The following NTM variants were observed in gnomAD, a reference collection of about 807,000 sequenced individuals.
The protein encoded by NTM is neurotrimin.
Under a neutral mutation model 42.1 loss-of-function variants are expected in NTM, and 13 were observed. The observed-to-expected ratio is 0.31, with a 90% CI of 0.20 to 0.49. The LOEUF is 0.49. NTM is among the 20% of genes least tolerant of loss of function. The probability of loss-of-function intolerance (pLI) is 0.99; values close to 1 mark genes in which losing one functional copy is unlikely to be tolerated. For missense variants in NTM, 373 were observed against 452.8 expected, an observed-to-expected ratio of 0.82 and a Z score of 1.60; for synonymous variants, 187 against 179.2, an observed-to-expected ratio of 1.04 and a Z score of -0.35.
intron 1 of NTM, among the ~76,000 whole-genome samples, chr11:131,902,335 T>C (rs1312360455): frequency 1.9e-4 from 29 of 152,234 alleles, no homozygotes; most frequent in Admixed American, 1.9e-3. Flanking sequence ...CTTCTTAAAA[T>C]GTGTGGGTGC....
At chr11:132,034,630 G>A (rs1245229047) in intron 2 of NTM, among the ~76,000 whole-genome samples, 1 of 152,212 alleles carries the variant, frequency 6.6e-6, no homozygotes, top group Non-Finnish European at 1.5e-5. Flanking sequence ...TTGACACCTA[G>A]TTTTGCCATC....
intron 2 of NTM, among the ~76,000 whole-genome samples, chr11:132,093,996 G>A (rs1024378161): frequency 2.0e-5 from 3 of 152,148 alleles, no homozygotes; most frequent in Admixed American, 1.3e-4. Flanking sequence ...GGCAGAAAAA[G>A]GAAAGTGATG....
At chr11:132,109,801 T>C (rs954012239) in intron 2 of NTM, among the ~76,000 whole-genome samples, 1 of 152,188 alleles carries the variant, frequency 6.6e-6, no homozygotes, top group African/African-American at 2.4e-5. Flanking sequence ...TCCCTCCCAC[T>C]CTTTCTTCCA....
chr11:132,245,256 C>G (rs1435146188), intron 4 of NTM, among the ~76,000 whole-genome samples: 1 of 152,092 alleles, frequency 6.6e-6, no homozygotes, highest in Non-Finnish European at 1.5e-5. Flanking sequence ...GAGAAGGAAC[C>G]TACTGTCCAG....
intron 1 of NTM, among the ~76,000 whole-genome samples, chr11:131,496,560 G>A (rs950658176): frequency 4.6e-5 from 7 of 152,182 alleles, no homozygotes; most frequent in African/African-American, 1.2e-4. Flanking sequence ...TTGCTCCCCC[G>A]AAGGGTCCAC....
At chr11:131,724,570 C>T (rs2078738477) in intron 1 of NTM, among the ~76,000 whole-genome samples, 1 of 152,206 alleles carries the variant, frequency 6.6e-6, no homozygotes, top group South Asian at 2.1e-4. Context: ...ACTTTTCCCG[C>T]TGCACCTCAC....
chr11:131,682,820 C>T (rs913507326), intron 1 of NTM, among the ~76,000 whole-genome samples: 1 of 152,044 alleles, frequency 6.6e-6, no homozygotes, highest in African/African-American at 2.4e-5. Flanking sequence ...AGAGAGGGGC[C>T]GACCCAGTAC....
chr11:132,274,012 T>C (rs1244560282), intron 4 of NTM, among the ~76,000 whole-genome samples: 1 of 152,222 alleles, frequency 6.6e-6, no homozygotes, highest in Non-Finnish European at 1.5e-5. Flanking sequence ...ATCTAGCTTA[T>C]TAGTATACAA....
At chr11:131,609,403 C>A (rs1227248762) in intron 1 of NTM, among the ~76,000 whole-genome samples, 1 of 152,176 alleles carries the variant, frequency 6.6e-6, no homozygotes, top group Non-Finnish European at 1.5e-5. Context: ...TGAGAGAATG[C>A]ACTGCAGGGA....
chr11:131,777,664 AC>A (rs2087274970), intron 1 of NTM, among the ~76,000 whole-genome samples: 1 of 152,148 alleles, frequency 6.6e-6, no homozygotes, highest in Non-Finnish European at 1.5e-5. Flanking sequence ...TGTTAGTAAT[AC>A]AGCAAGTTCC....
intron 7 of NTM, chr11:132,317,746 C>CCCTTCCCCTGCTGTGCATT: frequency 9.3e-7 from 1 of 1,073,410 alleles, no homozygotes; most frequent in South Asian, 1.3e-5. Context: ...CCCAGAGGCC[C>CCCTTCCCCTGCTGTGCATT]CCTTCCCCTG....
chr11:131,458,831 G>GT (rs1427741923), intron 1 of NTM, among the ~76,000 whole-genome samples: 1 of 152,244 alleles, frequency 6.6e-6, no homozygotes, highest in East Asian at 1.9e-4. Flanking sequence ...TATTCAAACA[G>GT]TTTTCTGGGT....
At chr11:131,625,874 A>T (rs1393894534) in intron 1 of NTM, among the ~76,000 whole-genome samples, 2 of 152,156 alleles carry the variant, frequency 1.3e-5, no homozygotes, top group Non-Finnish European at 2.9e-5. Context: ...AGATCCAAGC[A>T]TGTTGTGGCC....
intron 1 of NTM, chr11:131,538,227 A>T (rs1401103409): frequency 6.6e-6 from 1 of 152,166 alleles, no homozygotes; most frequent in Non-Finnish European, 1.5e-5. Context: ...AATGCACAGG[A>T]CTGTAGAATG....
intron 2 of NTM, among the ~76,000 whole-genome samples, chr11:132,090,594 G>A (rs1263739023): frequency 2.6e-5 from 4 of 152,036 alleles, no homozygotes; most frequent in African/African-American, 9.7e-5. Flanking sequence ...ATCCTTCCCA[G>A]CTTGAGTTAT....
intron 1 of NTM, chr11:131,796,217 C>A: frequency 1.0e-6 from 1 of 965,340 alleles, no homozygotes; most frequent in Non-Finnish European, 1.2e-6. Flanking sequence ...GAAACTAGAA[C>A]CTGTACCTGT....
chr11:132,235,610 T>C (rs892093855), intron 4 of NTM, among the ~76,000 whole-genome samples: 6 of 152,180 alleles, frequency 3.9e-5, no homozygotes, highest in African/African-American at 1.4e-4. Context: ...TCCCTTGGGC[T>C]TTTTATCAAT....
rs142930969 is a variant in NTM at position 131,426,822 on chromosome 11, A to G, written c.82+55934A>G. 3.9e-3 allele frequency among the ~76,000 whole-genome samples: 595 copies of G among 152,280 alleles called. 4 individuals carry two copies. The highest frequency in any genetic ancestry group is 7.0e-3 in the Non-Finnish European group (473 of 68,018). ...TGGCATATTTTCTTAAGTGTAAAGC[A>G]GTGGAGTAAATTGAGTTCACTGGGT... On this transcript the variant is annotated intron_variant, in intron 1 of 8. Coordinates refer to ENST00000683400, the MANE Select transcript of NTM (RefSeq NM_001352005.2).
rs184051473 is a variant in NTM at position 131,936,334 on chromosome 11, C to A, written c.167+24686C>A. On this transcript the variant is annotated intron_variant, in intron 2 of 8. Transcript: ENST00000683400. ...GGAGGTATTACTGTAAGACACATGT[C>A]TTTTGTCCGTCCTAAATTTTGAGAG... Among the ~76,000 whole-genome samples, 283 of 152,278 alleles carry A rather than the reference C, an allele frequency of 1.9e-3. 4 individuals are homozygous for A. The highest frequency in any genetic ancestry group is 6.5e-3 in the African/African-American group (269 of 41,556).
Sources: gnomAD v4.1 joint callset for allele counts (sites outside exome capture counted in the v4.1 genomes callset) on GRCh38, gnomAD v4.1.1 for gene constraint, MANE v1.5 for transcripts, NCBI Gene and HGNC (gene_info 2026-07-23, HGNC 2026-07-21) for gene names.